Variants in ZSCAN5A observed in about 807,000 individuals in gnomAD.
The protein encoded by ZSCAN5A is zinc finger and SCAN domain-containing protein 5A.
Under a neutral mutation model 23.7 loss-of-function variants are expected in ZSCAN5A, and 12 were observed. That is an observed-to-expected ratio of 0.51 (90% confidence interval 0.32 to 0.82). The LOEUF is 0.82. Ranked by LOEUF, ZSCAN5A falls within the 40% of genes least tolerant of loss-of-function variation. The pLI, the probability that ZSCAN5A is intolerant of heterozygous loss-of-function variation, is 0.03. For synonymous variants in ZSCAN5A, 257 were observed against 239.9 expected (o/e 1.07, Z -0.66); for missense variants, 597 against 617.9 (o/e 0.97, Z 0.36).
In ZSCAN5A at chr19:56,244,150, T is replaced by A. The variant is rs531929327; in HGVS notation, c.-127-18977A>T. 2.3e-5 allele frequency: 37 copies of A among 1,605,030 alleles called. No homozygotes were observed. In the South Asian group the frequency reaches 3.3e-4, roughly 14 times the overall value. ...CCCCAGAAACTCAACTTGGAAATCA[T>A]GACTGGGACCCTGAGACTTGTCACG... On this transcript the variant is annotated intron_variant, in intron 2 of 5. Transcript: ENST00000683990.
chr19:56,298,539 G>A (rs2040027509), intron 2 of ZSCAN5A, among the ~76,000 whole-genome samples: 1 of 151,864 alleles, frequency 6.6e-6, no homozygotes, highest in African/African-American at 2.4e-5. Flanking sequence ...TGTAGTCCCA[G>A]CTACTCGGGA....
At chr19:56,264,260 T>C (rs1476404341) in intron 2 of ZSCAN5A, among the ~76,000 whole-genome samples, 1 of 152,152 alleles carries the variant, frequency 6.6e-6, no homozygotes, top group Non-Finnish European at 1.5e-5. Context: ...CCTGCCAGTG[T>C]TGGGATTACA....
chr19:56,277,482 G>A (rs1357698814), intron 2 of ZSCAN5A, among the ~76,000 whole-genome samples: 1 of 151,882 alleles, frequency 6.6e-6, no homozygotes, highest in East Asian at 1.9e-4. Flanking sequence ...GAAATATTCA[G>A]GATAGGCAAA....
intron 2 of ZSCAN5A, among the ~76,000 whole-genome samples, chr19:56,279,571 A>ATG (rs1332552262): frequency 1.3e-5 from 2 of 152,234 alleles, no homozygotes; most frequent in East Asian, 3.8e-4. Context: ...AGTGTCCCAT[A>ATG]TGGGGTCTGA....
chr19:56,222,109 C>T lies in ZSCAN5A; in HGVS notation c.957G>A (p.Val319=). 1 of 1,614,132 alleles carries T rather than the reference C, an allele frequency of 6.2e-7. No individual in the cohort carries two copies. The highest frequency in any genetic ancestry group is 8.5e-7 in the Non-Finnish European group (1 of 1,180,046). ...CTTGTCCCGGGGATTCTCTGTTGCC[C>T]ACAGGTGTGGCTTCTCCTTGAGGCT... The part of the protein sequence containing the change: ...QEEPQGEATP[V]GNRESPGQAG... The change falls in exon 6 of 6, where the codon GTG becomes GTA. Residue 319 remains valine, a synonymous_variant. Coordinates refer to ENST00000683990, the MANE Select transcript of ZSCAN5A (RefSeq NM_001322064.3).
intron 2 of ZSCAN5A, among the ~76,000 whole-genome samples, chr19:56,341,642 T>G (rs1221404631): frequency 1.4e-5 from 2 of 147,892 alleles, no homozygotes; most frequent in Non-Finnish European, 3.0e-5. Context: ...AAAAATTTTT[T>G]TAACCTCAGT....
intron 2 of ZSCAN5A, chr19:56,301,914 C>T: frequency 8.1e-7 from 1 of 1,231,884 alleles, no homozygotes; most frequent in South Asian, 4.1e-5. Context: ...ACAGGAAGCT[C>T]TAAGGCAGGA....
At chr19:56,254,390 TA>T (rs1284151104) in intron 2 of ZSCAN5A, among the ~76,000 whole-genome samples, 2 of 152,208 alleles carry the variant, frequency 1.3e-5, no homozygotes, top group African/African-American at 4.8e-5. Context: ...ATTATTATAT[TA>T]TTTTTTCTGG....
intron 2 of ZSCAN5A, among the ~76,000 whole-genome samples, chr19:56,333,856 A>AT (rs1555812269): frequency 0.011 from 1,615 of 150,254 alleles, 22 homozygotes; most frequent in East Asian, 0.035. Context: ...GAAAAAGAAA[A>AT]ATATATATAT....
chr19:56,284,805 G>A (rs1038176025), intron 2 of ZSCAN5A, among the ~76,000 whole-genome samples: 7 of 152,124 alleles, frequency 4.6e-5, no homozygotes, highest in Non-Finnish European at 8.8e-5. Flanking sequence ...GAGCCACTGC[G>A]CCTGGCCTTG....
At chr19:56,305,373 CATA>C (rs1197237061) in intron 2 of ZSCAN5A, among the ~76,000 whole-genome samples, 1 of 152,136 alleles carries the variant, frequency 6.6e-6, no homozygotes, top group Non-Finnish European at 1.5e-5. Flanking sequence ...ATTCATTTGG[CATA>C]ATATTTCCAA....
At chr19:56,277,017 G>A (rs186322464) in intron 2 of ZSCAN5A, among the ~76,000 whole-genome samples, 1 of 152,130 alleles carries the variant, frequency 6.6e-6, no homozygotes, top group South Asian at 2.1e-4. Flanking sequence ...TCAGAAAAAT[G>A]GAAGCCAAAG....
intron 2 of ZSCAN5A, among the ~76,000 whole-genome samples, chr19:56,249,010 GC>G (rs202241513): frequency 3.3e-5 from 5 of 151,316 alleles, no homozygotes; most frequent in Non-Finnish European, 7.4e-5. Context: ...TATTTTCACT[GC>G]CCCCCCCGAA....
At chr19:56,353,547 A>ATCAGGAGG (rs767483988) in intron 2 of ZSCAN5A, among the ~76,000 whole-genome samples, 37 of 152,198 alleles carry the variant, frequency 2.4e-4, no homozygotes, top group Non-Finnish European at 4.6e-4. Context: ...AGGCGGGCGA[A>ATCAGGAGG]TCAGGAGGTC....
intron 2 of ZSCAN5A, chr19:56,341,106 A>G (rs1480392399): frequency 6.6e-6 from 1 of 152,222 alleles, no homozygotes; most frequent in Non-Finnish European, 1.5e-5. Context: ...AGTTGCCATC[A>G]TTTGTCATAC....
At chr19:56,319,723 C>T, upstream of ZSCAN5A, 1 of 656,052 alleles carries the variant, frequency 1.5e-6, no homozygotes, top group South Asian at 1.7e-5. Context: ...TATGCACAAA[C>T]AAGACCTGTT....
At chr19:56,320,060 C>G in intron 2 of ZSCAN5A, 1 of 786,676 alleles carries the variant, frequency 1.3e-6, no homozygotes, top group Non-Finnish European at 2.3e-6. Flanking sequence ...ATCAGACTTA[C>G]AAAATCTCTT....
intron 2 of ZSCAN5A, among the ~76,000 whole-genome samples, chr19:56,254,352 G>T (rs993792393): frequency 2.0e-5 from 3 of 152,086 alleles, no homozygotes; most frequent in African/African-American, 7.2e-5. Flanking sequence ...CCTATTAGTT[G>T]TAACAAATTC....
At chr19:56,301,078 C>G (rs893840639) in intron 2 of ZSCAN5A, among the ~76,000 whole-genome samples, 3 of 152,014 alleles carry the variant, frequency 2.0e-5, no homozygotes, top group African/African-American at 7.2e-5. Context: ...AGAAAGGGGT[C>G]CCGATCAAGA....
Sources: allele counts gnomAD v4.1 joint callset (sites outside exome capture counted in the v4.1 genomes callset), GRCh38; gene constraint gnomAD v4.1.1; transcripts MANE v1.5; gene names NCBI Gene and HGNC (gene_info 2026-07-23, HGNC 2026-07-21).